The following GIGYF2 variants were observed in gnomAD, a reference collection of about 807,000 sequenced individuals.
The protein encoded by GIGYF2 is GRB10 interacting GYF protein 2.
In GIGYF2, 25 loss-of-function variants were observed where a neutral mutation model predicts 208.1. The ratio of observed to expected loss-of-function variants is 0.12; its 90% CI spans 0.09 to 0.17. GIGYF2 has a LOEUF of 0.17. Among genes scored for constraint, GIGYF2 ranks in the 10% least tolerant of loss-of-function variants. The pLI is 1.00. For synonymous variants in GIGYF2, 534 were observed against 543.8 expected (o/e 0.98, Z 0.25); for missense variants, 1,302 against 1,579.4 (o/e 0.82, Z 2.98).
rs577496707 is a variant in GIGYF2, at chr2:232,821,913, C to A, written c.2529+1928C>A. On this transcript the variant is annotated intron_variant, in intron 21 of 28. Transcript: ENST00000373563. ...TACTTTTTCTATTGAATTTTTGATGCTTTTGTCAAAGTCAATTGTATAAAT... is the reference window on the plus strand; with the variant it reads ...TACTTTTTCTATTGAATTTTTGATGATTTTGTCAAAGTCAATTGTATAAAT... Among the ~76,000 whole-genome samples, 763 of 148,588 alleles carry A rather than the reference C, an allele frequency of 5.1e-3. 3 individuals are homozygous for A. The highest frequency in any genetic ancestry group is 7.5e-3 in the Non-Finnish European group (505 of 67,052).
At chr2:232,807,480 ACCGCTGC>A (rs1700594042) in intron 15 of GIGYF2, among the ~76,000 whole-genome samples, 1 of 152,186 alleles carries the variant, frequency 6.6e-6, no homozygotes, top group African/African-American at 2.4e-5. Flanking sequence ...CTGTGATTGC[ACCGCTGC>A]ACTGCAGCTT....
chr2:232,815,612 C>T (rs756089979), intron 18 of GIGYF2, 25 bp from the exon 19 acceptor site: 27 of 1,204,876 alleles, frequency 2.2e-5, no homozygotes, highest in Non-Finnish European at 3.2e-5. Context: ...TGTCATTCCT[C>T]GTTGTTTCTT....
In GIGYF2 at chr2:232,812,386, TG is replaced by T; in HGVS notation, c.2007-4del. 8.2e-7 allele frequency: 1 copy of T among 1,216,946 alleles called. No homozygotes were observed. Among genetic ancestry groups the T allele is most frequent in the Non-Finnish European group, 1.2e-6 (1 of 817,754 alleles). 75.4% of individuals were successfully genotyped at this position (1,216,946 alleles called of 1,614,324 possible). A position where few individuals can be genotyped will look rare whatever the true frequency, so the allele number is the denominator to read the frequency against. Reference sequence around the variant, plus strand: ...ACAAGTTAATTTTTTATTTCCCTTTTGCAGAATATCTGATCAGAACATCATT... The same window carrying T: ...ACAAGTTAATTTTTTATTTCCCTTTTCAGAATATCTGATCAGAACATCATT... On this transcript the variant is annotated splice_polypyrimidine_tract_variant and splice_region_variant and intron_variant, in intron 17 of 28. Transcript: ENST00000373563.
rs10645449 is a variant in GIGYF2 at position 232,784,386 on chromosome 2, C to CTTTTTTTTTTTTTTTTTTT, written c.533-2761_533-2743dup. Among the ~76,000 whole-genome samples the CTTTTTTTTTTTTTTTTTTT allele has an allele frequency of 8.7e-5, 8 of 92,312 alleles. 1 individual carries two copies. The highest frequency in any genetic ancestry group is 1.4e-4 in the Non-Finnish European group (7 of 49,052). 60.6% of individuals were successfully genotyped at this position (92,312 alleles called of 152,430 possible). ...TCTAGCTACTTACACGAAATAATTT[C>CTTTTTTTTTTTTTTTTTTT]TTTTTTTTTTTTTTTTTTTTTGAGA... On this transcript the variant is annotated intron_variant, in intron 8 of 28. Transcript: ENST00000373563.
intron 12 of GIGYF2, among the ~76,000 whole-genome samples, chr2:232,792,588 A>T (rs898650628): frequency 6.6e-6 from 1 of 151,780 alleles, no homozygotes; most frequent in African/African-American, 2.4e-5. Flanking sequence ...CTAAAAACAA[A>T]ACAACAACAA....
chr2:232,739,871 G>A (rs986639714), intron 3 of GIGYF2, among the ~76,000 whole-genome samples: 6 of 151,020 alleles, frequency 4.0e-5, no homozygotes, highest in Non-Finnish European at 7.4e-5. Context: ...AGGCCGAGGC[G>A]GGTGGATCAC....
At chr2:232,794,603 C>T (rs1341874227) in intron 12 of GIGYF2, 145 bp from the exon 13 acceptor site, 3 of 722,298 alleles carry the variant, frequency 4.2e-6, no homozygotes, top group Non-Finnish European at 7.5e-6. Context: ...TATTACGTTT[C>T]TCCATAGAAG....
chr2:232,733,062 C>T (rs904342346), intron 2 of GIGYF2, among the ~76,000 whole-genome samples: 1 of 152,068 alleles, frequency 6.6e-6, no homozygotes, highest in Non-Finnish European at 1.5e-5. Context: ...CAAGACCATC[C>T]TGGCTAACAT....
chr2:232,752,362 T>C (rs1025947537), intron 5 of GIGYF2, among the ~76,000 whole-genome samples: 14 of 152,176 alleles, frequency 9.2e-5, no homozygotes, highest in African/African-American at 3.4e-4. Context: ...GCTGCATGTC[T>C]TGTTTGCTGA....
chr2:232,810,830 G>A (rs1259429676), intron 16 of GIGYF2: 1 of 197,126 alleles, frequency 5.1e-6, no homozygotes, highest in Non-Finnish European at 1.1e-5. Flanking sequence ...AATTTTTATA[G>A]AAGTGTTACA....
intron 2 of GIGYF2, among the ~76,000 whole-genome samples, chr2:232,720,583 A>ATAT (rs376956632): frequency 2.1e-5 from 3 of 144,988 alleles, no homozygotes; most frequent in Admixed American, 6.9e-5. Context: ...ATATATATAT[A>ATAT]TTTTTGTTTG....
chr2:232,809,926 C>A (rs919927974), intron 16 of GIGYF2, 115 bp downstream of exon 16: 2 of 731,502 alleles, frequency 2.7e-6, no homozygotes, highest in Non-Finnish European at 5.1e-6. Context: ...TATGGCACTT[C>A]AGTCACCCAG....
At chr2:232,810,952 C>A (rs770520527) in intron 16 of GIGYF2, 14 of 301,138 alleles carry the variant, frequency 4.6e-5, no homozygotes, top group Non-Finnish European at 8.2e-5. Flanking sequence ...TTTTGACATT[C>A]GTGATTTTAA....
At chr2:232,845,673 C>T in intron 25 of GIGYF2, 59 bp from the exon 26 acceptor site, 1 of 1,392,328 alleles carries the variant, frequency 7.2e-7, no homozygotes, top group Non-Finnish European at 1.0e-6. Flanking sequence ...TGGTGTTGTA[C>T]TATAATCATA....
chr2:232,791,020 G>A lies in GIGYF2; in HGVS notation c.943G>A (p.Glu315Lys). ...AFLSLKKVQK[E>K]PIPEEQEMDF... ...TCTCTTTCTACAGAAAGTACAGAAA[G>A]AGCCTATTCCAGAAGAGCAGGAGAT... Residue 315 changes from glutamate to lysine, a missense_variant, in exon 11 of 29, where the codon GAG becomes AAG. Physicochemically the swap from Glu to Lys is moderately conservative, Grantham distance 56. Transcript: ENST00000373563. 2 of 1,614,018 alleles carry A rather than the reference G, an allele frequency of 1.2e-6. No individual in the cohort carries two copies. The highest frequency in any genetic ancestry group is 1.7e-6 in the Non-Finnish European group (2 of 1,179,970).
chr2:232,776,784 C>T (rs1398453028), intron 8 of GIGYF2: 1 of 301,446 alleles, frequency 3.3e-6, no homozygotes, highest in Non-Finnish European at 6.2e-6. Context: ...CATTTTTTCC[C>T]TCTAATCAGG....
At chr2:232,776,619 T>G (rs1699525565) in intron 8 of GIGYF2, 1 of 637,408 alleles carries the variant, frequency 1.6e-6, no homozygotes, top group South Asian at 1.9e-5. Context: ...TGGTTTCAGC[T>G]GAGGTTGATG....
At chr2:232,825,410 G>A (rs1701217020) in intron 21 of GIGYF2, among the ~76,000 whole-genome samples, 2 of 152,200 alleles carry the variant, frequency 1.3e-5, no homozygotes, top group South Asian at 4.1e-4. Flanking sequence ...CCTCATGGAT[G>A]ACTGTGAGGG....
intron 3 of GIGYF2, among the ~76,000 whole-genome samples, chr2:232,744,976 C>G (rs185072569): frequency 5.8e-4 from 88 of 152,246 alleles, no homozygotes; most frequent in Non-Finnish European, 2.2e-4. Context: ...ATTAAATGAG[C>G]TAGTTCACGT....
Sources: allele counts gnomAD v4.1 joint callset (sites outside exome capture counted in the v4.1 genomes callset), GRCh38; gene constraint gnomAD v4.1.1; transcripts MANE v1.5; gene names NCBI Gene and HGNC (gene_info 2026-07-23, HGNC 2026-07-21).